EXT2: variants seen among roughly 807,000 people sequenced by gnomAD.
EXT2 encodes exostosin-2.
In EXT2, 53 loss-of-function variants were observed where a neutral mutation model predicts 81.6. That is an observed-to-expected ratio of 0.65 (90% CI 0.52 to 0.82). EXT2 has a LOEUF of 0.82. Ranked by LOEUF, EXT2 falls within the 40% of genes least tolerant of loss-of-function variation. The pLI is 0.00. For missense variants in EXT2, 774 were observed against 910.2 expected, an observed-to-expected ratio of 0.85 and a Z score of 1.93; for synonymous variants, 320 against 340.0, an observed-to-expected ratio of 0.94 and a Z score of 0.65.
intron 8 of EXT2, among the ~76,000 whole-genome samples, chr11:44,176,731 A>G (rs1955163321): frequency 6.6e-6 from 1 of 152,158 alleles, no homozygotes; most frequent in African/African-American, 2.4e-5. Context: ...GATTCCATCA[A>G]ATTTATGATG....
chr11:44,189,361 A>T (rs1245512588), intron 8 of EXT2, among the ~76,000 whole-genome samples: 1 of 152,116 alleles, frequency 6.6e-6, no homozygotes, highest in Admixed American at 6.6e-5. Flanking sequence ...TTTTCAGAAC[A>T]GTCAGTTATT....
intron 4 of EXT2, among the ~76,000 whole-genome samples, chr11:44,120,360 T>C (rs1215523306): frequency 2.0e-5 from 3 of 152,222 alleles, no homozygotes; most frequent in South Asian, 4.1e-4. Context: ...GCTGAGCATG[T>C]ACCTCCCTCT....
intron 7 of EXT2, among the ~76,000 whole-genome samples, chr11:44,153,362 T>A (rs1702829214): frequency 6.6e-6 from 1 of 152,212 alleles, no homozygotes; most frequent in Non-Finnish European, 1.5e-5. Flanking sequence ...ATATTAAACT[T>A]ATATCCTGCC....
intron 9 of EXT2, among the ~76,000 whole-genome samples, chr11:44,200,449 G>A (rs887579125): frequency 1.3e-5 from 2 of 152,092 alleles, no homozygotes; most frequent in African/African-American, 4.8e-5. Flanking sequence ...TTGATTTTGA[G>A]CTTTGTCAGA....
At chr11:44,153,316 T>A (rs1954816826) in intron 7 of EXT2, among the ~76,000 whole-genome samples, 1 of 152,208 alleles carries the variant, frequency 6.6e-6, no homozygotes, top group African/African-American at 2.4e-5. Context: ...TTCCACTTAT[T>A]CATTGCTAGT....
intron 1 of EXT2, among the ~76,000 whole-genome samples, chr11:44,106,693 G>A (rs1414175165): frequency 1.3e-5 from 2 of 152,080 alleles, no homozygotes; most frequent in Admixed American, 6.5e-5. Flanking sequence ...GCAGTGGCAC[G>A]ATCTCGGCTC....
At chr11:44,105,439 C>T (rs1954040851) in intron 1 of EXT2, among the ~76,000 whole-genome samples, 1 of 152,074 alleles carries the variant, frequency 6.6e-6, no homozygotes, top group Non-Finnish European at 1.5e-5. Context: ...TTACAGGTGT[C>T]TGCCATCATG....
chr11:44,208,760 A>C (rs1005610410), intron 10 of EXT2, among the ~76,000 whole-genome samples: 4 of 152,184 alleles, frequency 2.6e-5, no homozygotes, highest in Non-Finnish European at 4.4e-5. Context: ...GCTGAGACTA[A>C]GTAAGGTTAG....
At chr11:44,099,848 T>C (rs1325147472) in intron 1 of EXT2, among the ~76,000 whole-genome samples, 1 of 152,196 alleles carries the variant, frequency 6.6e-6, no homozygotes, top group African/African-American at 2.4e-5. Flanking sequence ...TTTTCCCCTT[T>C]CTTTTCTCAT....
chr11:44,148,192 G>C (rs566804889), intron 7 of EXT2, among the ~76,000 whole-genome samples: 64 of 152,280 alleles, frequency 4.2e-4, no homozygotes, highest in African/African-American at 1.5e-3. Flanking sequence ...GAGATCAGGA[G>C]TGAATGTGGG....
intron 7 of EXT2, among the ~76,000 whole-genome samples, chr11:44,136,727 A>G (rs937550764): frequency 4.6e-5 from 7 of 152,172 alleles, no homozygotes; most frequent in African/African-American, 1.7e-4. Context: ...AAAATGCCAA[A>G]TATTCCCTGC....
chr11:44,129,988 A>G (rs1954467590), intron 6 of EXT2, 57 bp from the exon 7 acceptor site: 3 of 1,331,164 alleles, frequency 2.3e-6, no homozygotes, highest in Non-Finnish European at 3.3e-6. Flanking sequence ...GACTGTGTGT[A>G]GAAATGCTTT....
intron 7 of EXT2, among the ~76,000 whole-genome samples, chr11:44,136,314 A>AT (rs1954566258): frequency 1.3e-5 from 2 of 152,164 alleles, no homozygotes; most frequent in African/African-American, 4.8e-5. Context: ...AGTAATCTGA[A>AT]TTTTTTTATG....
intron 9 of EXT2, among the ~76,000 whole-genome samples, chr11:44,204,497 T>C (rs373988225): frequency 1.4e-4 from 21 of 152,282 alleles, no homozygotes; most frequent in East Asian, 1.9e-4. Flanking sequence ...GTCTGGTAGG[T>C]AGGGCTATAA....
intron 10 of EXT2, among the ~76,000 whole-genome samples, chr11:44,229,956 A>G (rs1955879860): frequency 6.6e-6 from 1 of 152,236 alleles, no homozygotes. Context: ...GTCCTCTTTG[A>G]GTTTAAATTC....
At chr11:44,172,831 C>T (rs960618443) in intron 8 of EXT2, among the ~76,000 whole-genome samples, 10 of 152,144 alleles carry the variant, frequency 6.6e-5, no homozygotes, top group African/African-American at 2.4e-4. Flanking sequence ...GCCTTGTCCT[C>T]CCAAAGTGCT....
At chr11:44,201,236 C>T (rs1590642697) in intron 9 of EXT2, among the ~76,000 whole-genome samples, 1 of 152,280 alleles carries the variant, frequency 6.6e-6, no homozygotes, top group South Asian at 2.1e-4. Context: ...AGATTTCTAG[C>T]TATGACACAG....
At chr11:44,135,086 A>G (rs1361545284) in intron 7 of EXT2, among the ~76,000 whole-genome samples, 1 of 152,242 alleles carries the variant, frequency 6.6e-6, no homozygotes, top group African/African-American at 2.4e-5. Flanking sequence ...AAACAATTTT[A>G]TTTAAGAAAA....
chr11:44,189,184 A>G (rs1170658589), intron 8 of EXT2, among the ~76,000 whole-genome samples: 1 of 152,182 alleles, frequency 6.6e-6, no homozygotes, highest in African/African-American at 2.4e-5. Flanking sequence ...TAGAAAACTC[A>G]CTTATGAGCA....
Sources: gnomAD v4.1 joint callset for allele counts (sites outside exome capture counted in the v4.1 genomes callset) on GRCh38, gnomAD v4.1.1 for gene constraint, MANE v1.5 for transcripts, NCBI Gene and HGNC (gene_info 2026-07-23, HGNC 2026-07-21) for gene names.